The following CTNNA1 variants were observed in gnomAD, a reference collection of about 807,000 sequenced individuals.
CTNNA1 encodes catenin alpha 1.
CTNNA1 carries 37 observed loss-of-function variants against 98.4 expected under a neutral mutation model. The ratio of observed to expected loss-of-function variants is 0.38; its 90% CI spans 0.29 to 0.49. CTNNA1 has a LOEUF of 0.49. CTNNA1 is among the 20% of genes least tolerant of loss of function. The probability of loss-of-function intolerance (pLI) is 0.95; values close to 1 mark genes in which losing one functional copy is unlikely to be tolerated. For missense variants in CTNNA1, 761 were observed against 1,147.2 expected, an observed-to-expected ratio of 0.66 and a Z score of 4.86; for synonymous variants, 404 against 413.2, an observed-to-expected ratio of 0.98 and a Z score of 0.27.
intron 3 of CTNNA1, among the ~76,000 whole-genome samples, chr5:138,806,446 C>G (rs1758094273): frequency 6.6e-6 from 1 of 151,952 alleles, no homozygotes; most frequent in African/African-American, 2.4e-5. Context: ...AGCTTGCAAC[C>G]TTTAAATAAT....
chr5:138,879,088 T>C (rs1752293315), intron 7 of CTNNA1, among the ~76,000 whole-genome samples: 1 of 144,246 alleles, frequency 6.9e-6, no homozygotes, highest in Non-Finnish European at 1.5e-5. Context: ...CAGGAGCCTG[T>C]AATCCTAGCT....
chr5:138,803,985 A>G (rs1757834794), intron 3 of CTNNA1, among the ~76,000 whole-genome samples: 1 of 152,242 alleles, frequency 6.6e-6, no homozygotes, highest in Non-Finnish European at 1.5e-5. Context: ...TTGCTGTTGA[A>G]TAGGTGAATA....
chr5:138,784,602 C>T (rs1755472426), intron 3 of CTNNA1, among the ~76,000 whole-genome samples: 1 of 151,986 alleles, frequency 6.6e-6, no homozygotes, highest in South Asian at 2.1e-4. Flanking sequence ...TATTAGTTTC[C>T]TAGGGCTTCT....
chr5:138,887,835 G>A (rs935781011), intron 9 of CTNNA1, 193 bp downstream of exon 9: 24 of 464,834 alleles, frequency 5.2e-5, no homozygotes, highest in African/African-American at 3.0e-4. Context: ...AACTATGTAC[G>A]TTATTAAATA....
At chr5:138,871,447 C>G (rs1474004797) in intron 7 of CTNNA1, 2 of 152,198 alleles carry the variant, frequency 1.3e-5, no homozygotes, top group Non-Finnish European at 2.9e-5. Context: ...AATCATAATA[C>G]AAGAAACTGA....
At chr5:138,903,364 T>A (rs1254824336) in intron 9 of CTNNA1, among the ~76,000 whole-genome samples, 1 of 152,196 alleles carries the variant, frequency 6.6e-6, no homozygotes, top group Non-Finnish European at 1.5e-5. Context: ...ACTCTAGCAT[T>A]TAAATTCCCA....
At chr5:138,861,391 T>C (rs937416995) in intron 7 of CTNNA1, among the ~76,000 whole-genome samples, 9 of 152,224 alleles carry the variant, frequency 5.9e-5, no homozygotes, top group Non-Finnish European at 1.2e-4. Context: ...TGCCTAATGT[T>C]CGTGTCTTTT....
intron 6 of CTNNA1, 81 bp downstream of exon 6, chr5:138,824,880 G>GCTT: frequency 2.3e-6 from 3 of 1,328,642 alleles, no homozygotes; most frequent in Non-Finnish European, 3.2e-6. Context: ...AGTGATCAAG[G>GCTT]CTTCTGATGA....
chr5:138,799,221 C>T lies in CTNNA1; in HGVS notation c.302-10817C>T, dbSNP rs145955282. ...TGTTGCCCAGGCTGGAGTGCAATGG[C>T]GTGACCTCGGTTCACTGCAACCTCT... is the stretch of plus-strand genomic sequence containing the variant. On this transcript the variant is annotated intron_variant, in intron 3 of 17. Coordinates refer to ENST00000302763, the MANE Select transcript of CTNNA1 (RefSeq NM_001903.5). 2.9e-4 allele frequency among the ~76,000 whole-genome samples: 44 copies of T among 152,128 alleles called. No homozygotes were observed. The East Asian group carries it at 8.3e-3, about 29-fold the overall frequency.
chr5:138,823,017 A>G lies in CTNNA1; in HGVS notation c.589-1513A>G, dbSNP rs752124904. On this transcript the variant is annotated intron_variant, in intron 5 of 17. Transcript: ENST00000302763. ...TTTTCTGTTACTGTTTACACATGTA[A>G]TACTCAAAATGTTTAAATTTATACT... 4.6e-5 allele frequency among the ~76,000 whole-genome samples: 7 copies of G among 152,314 alleles called. No individual in the cohort carries two copies. The South Asian group carries it at 8.3e-4, about 18-fold the overall frequency.
intron 7 of CTNNA1, among the ~76,000 whole-genome samples, chr5:138,881,678 C>T (rs1288963284): frequency 6.6e-6 from 1 of 152,106 alleles, no homozygotes; most frequent in African/African-American, 2.4e-5. Flanking sequence ...GATGACAGCC[C>T]CAGTTCTCTT....
At chr5:138,789,099 A>G (rs1024746600) in intron 3 of CTNNA1, among the ~76,000 whole-genome samples, 2 of 152,216 alleles carry the variant, frequency 1.3e-5, no homozygotes, top group Admixed American at 6.5e-5. Flanking sequence ...TGTCAGGGAA[A>G]TATGAGTGAG....
intron 7 of CTNNA1, among the ~76,000 whole-genome samples, chr5:138,852,871 G>GCGCACACACACGCGTGCGCGCA (rs869240008): frequency 1.3e-5 from 2 of 151,240 alleles, no homozygotes; most frequent in African/African-American, 2.4e-5. Flanking sequence ...GCGCGCGCGC[G>GCGCACACACACGCGTGCGCGCA]CACACACACA....
intron 7 of CTNNA1, among the ~76,000 whole-genome samples, chr5:138,846,768 A>C (rs1848506): frequency 1.3e-5 from 2 of 151,954 alleles, no homozygotes; most frequent in Non-Finnish European, 2.9e-5. Flanking sequence ...TTAAAAAAAA[A>C]CCCCTCAAAT....
Position 138,934,106 on chromosome 5 carries a change from C to T in CTNNA1, c.*17C>T, listed in dbSNP as rs139000048. On this transcript the variant is annotated 3_prime_UTR_variant, in exon 18 of 18. Transcript: ENST00000302763. ...AGCATCTAAGTCTGCCCAGGCCGGCCGCCCCCACCCCTCGGGGCTCCTGAA... is the reference window on the plus strand; with the variant it reads ...AGCATCTAAGTCTGCCCAGGCCGGCTGCCCCCACCCCTCGGGGCTCCTGAA... 379 of 1,598,306 alleles carry T rather than the reference C, an allele frequency of 2.4e-4. 1 individual carries two copies. In the African/African-American group the frequency reaches 4.0e-3, roughly 17 times the overall value.
Position 138,810,214 on chromosome 5 carries a change from C to T in CTNNA1, c.468+10C>T, listed in dbSNP as rs1182743034. 6.2e-7 allele frequency: 1 copy of T among 1,612,036 alleles called. No individual in the cohort carries two copies. The highest frequency in any genetic ancestry group is 1.7e-5 in the Admixed American group (1 of 59,988). ...TGTTCAGCTGAAAGTTGTAAGTATA[C>T]AGGCCTATGTCTGTAATTTGTTCTA... is the stretch of plus-strand genomic sequence containing the variant. On this transcript the variant is annotated intron_variant, in intron 4 of 17. Transcript: ENST00000302763.
At chr5:138,895,357 C>T (rs539247239) in intron 9 of CTNNA1, among the ~76,000 whole-genome samples, 1 of 152,266 alleles carries the variant, frequency 6.6e-6, no homozygotes, top group South Asian at 2.1e-4. Context: ...AACATTTGCA[C>T]AAAAGAGCGT....
Position 138,874,445 on chromosome 5 carries a change from C to T in CTNNA1, c.1063-11767C>T, listed in dbSNP as rs761080588. On this transcript the variant is annotated intron_variant, in intron 7 of 17. Transcript: ENST00000302763. This position sits in a 1 kb window ranked among gnomAD's most constrained non-coding sequence, Gnocchi z 4.1. ...GCAGTAGAAGAGCAGCTTCTCGCAG[C>T]GGCATTTGGGTGGACACGCCATACC... 18 of 1,613,624 alleles carry T rather than the reference C, an allele frequency of 1.1e-5. No homozygotes were observed. Among genetic ancestry groups the T allele is most frequent in the South Asian group, 7.7e-5 (7 of 91,038 alleles).
intron 7 of CTNNA1, among the ~76,000 whole-genome samples, chr5:138,877,241 C>T (rs1420036670): frequency 6.6e-6 from 1 of 152,178 alleles, no homozygotes; most frequent in East Asian, 1.9e-4. Context: ...CCTATAGTCT[C>T]TCTCAATAGG....
Sources: allele counts gnomAD v4.1 joint callset (sites outside exome capture counted in the v4.1 genomes callset), GRCh38; gene constraint gnomAD v4.1.1; non-coding constraint Gnocchi (gnomAD v3.1); transcripts MANE v1.5; gene names NCBI Gene and HGNC (gene_info 2026-07-23, HGNC 2026-07-21).